The following ONECUT2 variants were observed in gnomAD, a reference collection of about 807,000 sequenced individuals.
ONECUT2 encodes the protein one cut homeobox 2.
In ONECUT2, 10 loss-of-function variants were observed where a neutral mutation model predicts 27.9. That is an observed-to-expected ratio of 0.36 (90% CI 0.22 to 0.61). The LOEUF is 0.61. Among genes scored for constraint, ONECUT2 ranks in the 20% least tolerant of loss-of-function variants. The pLI, the probability that ONECUT2 is intolerant of heterozygous loss-of-function variation, is 0.73. For synonymous variants in ONECUT2, 334 were observed against 315.1 expected, an observed-to-expected ratio of 1.06 and a Z score of -0.64; for missense variants, 686 against 721.0, an observed-to-expected ratio of 0.95 and a Z score of 0.56.
chr18:57,438,124 A>G (rs1598928090), intron 1 of ONECUT2, among the ~76,000 whole-genome samples: 2 of 152,200 alleles, frequency 1.3e-5, no homozygotes, highest in Admixed American at 1.3e-4. Context: ...AAGATGCAGT[A>G]GTTACTGCGA....
At chr18:57,469,137 A>G (rs1244569292) in intron 1 of ONECUT2, among the ~76,000 whole-genome samples, 1 of 152,188 alleles carries the variant, frequency 6.6e-6, no homozygotes, top group African/African-American at 2.4e-5. Context: ...AATCTTTCCA[A>G]CAGAACTGCA....
Position 57,436,624 on chromosome 18 carries a change from C to G in ONECUT2, c.908C>G (p.Ser303Cys), listed in dbSNP as rs1397566541. 6.2e-7 allele frequency: 1 copy of G among 1,611,444 alleles called. No individual in the cohort carries two copies. The highest frequency in any genetic ancestry group is 8.5e-7 in the Non-Finnish European group (1 of 1,179,870). ...NGLHHPGHTQ[S>C]HGPVLAPSRE... ...CTGCACCACCCGGGCCACACTCAGT[C>G]TCACGGGCCGGTGCTGGCACCCAGT... Residue 303 changes from serine to cysteine, a missense_variant, in exon 1 of 2, where the codon TCT becomes TGT. Physicochemically the swap from Ser to Cys is moderately radical, Grantham distance 112. Around this residue, in one of 4 missense-constraint regions of ONECUT2, gnomAD observed 511 missense variants for 488.1 expected, o/e 1.05. Transcript: ENST00000491143. The surrounding 1 kb of genome is among the most constrained non-coding windows in gnomAD (Gnocchi z 5.9).
At chr18:57,470,065 A>G (rs1174470497) in intron 1 of ONECUT2, among the ~76,000 whole-genome samples, 1 of 152,256 alleles carries the variant, frequency 6.6e-6, no homozygotes, top group Non-Finnish European at 1.5e-5. Flanking sequence ...CATGGGTGAT[A>G]TAAAACAATA....
chr18:57,449,944 C>A (rs2050220971), intron 1 of ONECUT2, among the ~76,000 whole-genome samples: 1 of 152,212 alleles, frequency 6.6e-6, no homozygotes, highest in African/African-American at 2.4e-5. Context: ...TTTTCTGTGT[C>A]TCCCTTTCTT....
At position 57,480,963 on chromosome 18, in the gene ONECUT2, C is replaced by G. The variant is rs1433463973; in HGVS notation, c.*4240C>G. ...CAGGAAAAGGTACAGTGTGAAGGAA[C>G]AGTTCTCAGCCAAATTTCACATTCT... On this transcript the variant is annotated 3_prime_UTR_variant, in exon 2 of 2. Coordinates refer to ENST00000491143, the MANE Select transcript of ONECUT2 (RefSeq NM_004852.3). The G allele has an allele frequency of 6.6e-6, 1 of 152,302 alleles. No individual in the cohort carries two copies. The highest frequency in any genetic ancestry group is 2.1e-4 in the South Asian group (1 of 4,822). The allele number at this position is 152,302 out of a possible 1,614,324, so 9.4% of individuals were successfully genotyped here.
In ONECUT2 at chr18:57,482,879, A is replaced by G. The variant is rs2050422236; in HGVS notation, c.*6156A>G. On this transcript the variant is annotated 3_prime_UTR_variant, in exon 2 of 2. Coordinates refer to ENST00000491143, the MANE Select transcript of ONECUT2 (RefSeq NM_004852.3). ...ACAGTGTACATTGTTTTCATTATTT[A>G]TTGTAACATTGAAAACCACAGTGCA... The G allele has an allele frequency of 6.6e-6, 1 of 152,578 alleles. No individual in the cohort carries two copies. Among genetic ancestry groups the G allele is most frequent in the African/African-American group, 2.4e-5 (1 of 41,460 alleles). 9.5% of individuals were successfully genotyped at this position (152,578 alleles called of 1,614,324 possible).
intron 1 of ONECUT2, among the ~76,000 whole-genome samples, chr18:57,442,244 GTT>G (rs796717767): frequency 1.2e-3 from 136 of 112,100 alleles, no homozygotes; most frequent in African/African-American, 3.4e-3. Flanking sequence ...ATTCTTCTGG[GTT>G]TTTTTTTTTT....
intron 1 of ONECUT2, among the ~76,000 whole-genome samples, chr18:57,475,284 C>T (rs2050376031): frequency 6.6e-6 from 1 of 152,026 alleles, no homozygotes; most frequent in Non-Finnish European, 1.5e-5. Flanking sequence ...TCTCAAACTC[C>T]TGACCTCATG....
rs28673950 is a variant in ONECUT2, at chr18:57,479,029, G to A, written c.*2306G>A. 0.042 allele frequency: 6,424 copies of A among 152,640 alleles called. 684 individuals are homozygous for A. Among genetic ancestry groups the A allele is most frequent in the East Asian group, 0.37 (1,906 of 5,168 alleles). 9.5% of individuals were successfully genotyped at this position (152,640 alleles called of 1,614,324 possible). ...GTTCTCTCTGCTCAGCAGAGGGTAG[G>A]GAATAACATTATCACTTGAATGTTC... On this transcript the variant is annotated 3_prime_UTR_variant, in exon 2 of 2. Transcript: ENST00000491143.
chr18:57,452,747 G>T (rs865891576), intron 1 of ONECUT2, among the ~76,000 whole-genome samples: 2 of 152,154 alleles, frequency 1.3e-5, no homozygotes, highest in South Asian at 2.1e-4. Context: ...GTAAAATAGG[G>T]TTTCACTTTA....
intron 1 of ONECUT2, among the ~76,000 whole-genome samples, chr18:57,458,844 G>A (rs186078099): frequency 1.6e-4 from 25 of 152,280 alleles, no homozygotes; most frequent in East Asian, 3.9e-4. Context: ...GTGGAGGAGA[G>A]AGCTCCTATT....
At position 57,435,928 on chromosome 18, in the gene ONECUT2, G is replaced by A; in HGVS notation, c.212G>A (p.Gly71Asp). ...LLASPSPHHA[G>D]RGAAGSLRGP... is the part of the protein sequence containing the mutation. ...GCCAGCCCCAGCCCCCACCACGCGGGCCGCGGCGCCGCTGGCTCGCTGCGG... is the reference window on the plus strand; with the variant it reads ...GCCAGCCCCAGCCCCCACCACGCGGACCGCGGCGCCGCTGGCTCGCTGCGG... The change falls in exon 1 of 2, where the codon GGC (glycine) becomes GAC (aspartate). Residue 71 changes from glycine (G) to aspartate (D), a missense_variant. By Grantham distance (94) the Gly-to-Asp change is moderately conservative (BLOSUM62 -1). Around this residue, in one of 4 missense-constraint regions of ONECUT2, gnomAD observed 511 missense variants for 488.1 expected, o/e 1.05. Transcript: ENST00000491143. 8.5e-7 allele frequency: 1 copy of A among 1,178,608 alleles called. No individual in the cohort carries two copies. Among genetic ancestry groups the A allele is most frequent in the Non-Finnish European group, 1.0e-6 (1 of 955,962 alleles). The allele number at this position is 1,178,608 out of a possible 1,614,324, so 73.0% of individuals were successfully genotyped here.
chr18:57,471,311 G>A (rs1394046102), intron 1 of ONECUT2, among the ~76,000 whole-genome samples: 1 of 152,224 alleles, frequency 6.6e-6, no homozygotes, highest in Non-Finnish European at 1.5e-5. Flanking sequence ...AGCCACTCTG[G>A]AGGCAAAGTA....
chr18:57,450,198 G>A (rs2050222544), intron 1 of ONECUT2, among the ~76,000 whole-genome samples: 1 of 151,932 alleles, frequency 6.6e-6, no homozygotes, highest in African/African-American at 2.4e-5. Flanking sequence ...TTTTGATCTG[G>A]AGCCGTACTT....
At chr18:57,438,590 G>T (rs2050157279) in intron 1 of ONECUT2, among the ~76,000 whole-genome samples, 1 of 152,210 alleles carries the variant, frequency 6.6e-6, no homozygotes, top group African/African-American at 2.4e-5. Flanking sequence ...TTTCCGCTTT[G>T]ACAGCATTTT....
rs648377 is a variant in ONECUT2, at chr18:57,478,343, C to G, written c.*1620C>G. 140,553 of 152,712 alleles carry G rather than the reference C, an allele frequency of 0.92. 65,748 individuals are homozygous for G. The highest frequency in any genetic ancestry group is 1 in the East Asian group (5,174 of 5,178). 9.5% of individuals were successfully genotyped at this position (152,712 alleles called of 1,614,324 possible). ...TTCAAAGCAAGCCAAACGCTGCAAT[C>G]ATTCTTTACAGACACTTGAGACTGA... On this transcript the variant is annotated 3_prime_UTR_variant, in exon 2 of 2. Coordinates refer to ENST00000491143, the MANE Select transcript of ONECUT2 (RefSeq NM_004852.3).
intron 1 of ONECUT2, among the ~76,000 whole-genome samples, chr18:57,471,995 G>A (rs1391815525): frequency 7.2e-5 from 11 of 152,186 alleles, no homozygotes. Context: ...AAAAGAGAGA[G>A]GAGAAGAATC....
chr18:57,454,609 G>A (rs1311284608), intron 1 of ONECUT2, among the ~76,000 whole-genome samples: 1 of 152,100 alleles, frequency 6.6e-6, no homozygotes, highest in Non-Finnish European at 1.5e-5. Context: ...TATCTCCTCA[G>A]TTTTACAGCT....
rs915383584 is a variant in ONECUT2, at chr18:57,486,723, A to T, written c.*10000A>T. The T allele has an allele frequency of 2.0e-5, 3 of 152,636 alleles. No homozygotes were observed. The South Asian group carries it at 6.2e-4, about 32-fold the overall frequency. 9.5% of individuals were successfully genotyped at this position (152,636 alleles called of 1,614,324 possible). A position where few individuals can be genotyped will look rare whatever the true frequency, so the allele number is the denominator to read the frequency against. ...TTTTTTCCCCCTTTGGATTTTATTTATGCTGGATTGGGGAAAGTTGCAGAA... is the reference window on the plus strand; with the variant it reads ...TTTTTTCCCCCTTTGGATTTTATTTTTGCTGGATTGGGGAAAGTTGCAGAA... On this transcript the variant is annotated 3_prime_UTR_variant, in exon 2 of 2. Coordinates refer to ENST00000491143, the MANE Select transcript of ONECUT2 (RefSeq NM_004852.3).
Sources: gnomAD v4.1 joint callset for allele counts (sites outside exome capture counted in the v4.1 genomes callset) on GRCh38, gnomAD v4.1.1 for gene constraint, gnomAD v4.1.1 regional missense constraint, Gnocchi (gnomAD v3.1) non-coding constraint, MANE v1.5 for transcripts, NCBI Gene and HGNC (gene_info 2026-07-23, HGNC 2026-07-21) for gene names.